Variants in CDK8 observed in about 807,000 individuals in gnomAD.
CDK8 encodes the protein cyclin dependent kinase 8.
Under a neutral mutation model 71.5 loss-of-function variants are expected in CDK8, and 29 were observed. The observed-to-expected ratio is 0.41, with a 90% CI of 0.30 to 0.55. The LOEUF (loss-of-function observed/expected upper bound fraction) is 0.55. Ranked by LOEUF, CDK8 falls within the 20% of genes least tolerant of loss-of-function variation. CDK8 has a pLI of 0.37. For synonymous variants in CDK8, 161 were observed against 192.1 expected, an observed-to-expected ratio of 0.84 and a Z score of 1.34; for missense variants, 288 against 572.6, an observed-to-expected ratio of 0.50 and a Z score of 5.07.
intron 4 of CDK8, among the ~76,000 whole-genome samples, chr13:26,358,480 C>A (rs1293453261): frequency 1.3e-5 from 2 of 152,016 alleles, no homozygotes; most frequent in Non-Finnish European, 2.9e-5. Flanking sequence ...AAAGAAGGGA[C>A]TAAGTGGGAA....
intron 1 of CDK8, among the ~76,000 whole-genome samples, chr13:26,264,444 T>C (rs1335339177): frequency 1.3e-5 from 2 of 152,124 alleles, no homozygotes; most frequent in African/African-American, 4.8e-5. Flanking sequence ...CCCCTCCCAG[T>C]AGCTGCAGTT....
intron 1 of CDK8, among the ~76,000 whole-genome samples, chr13:26,310,690 C>T (rs1874242119): frequency 6.6e-6 from 1 of 152,096 alleles, no homozygotes; most frequent in African/African-American, 2.4e-5. Context: ...GCCTCTCTTG[C>T]CTGCTGCTCA....
At chr13:26,298,097 C>T (rs1873647721) in intron 1 of CDK8, among the ~76,000 whole-genome samples, 2 of 152,110 alleles carry the variant, frequency 1.3e-5, no homozygotes, top group Admixed American at 6.5e-5. Context: ...GCCCCATCTC[C>T]TCCTTGTGCC....
chr13:26,402,571 G>A (rs1876316316), intron 12 of CDK8, among the ~76,000 whole-genome samples: 1 of 152,218 alleles, frequency 6.6e-6, no homozygotes, highest in African/African-American at 2.4e-5. Flanking sequence ...CTTTTGGTTA[G>A]GGGAGAAGTC....
intron 2 of CDK8, among the ~76,000 whole-genome samples, chr13:26,339,529 C>T (rs903748912): frequency 4.6e-5 from 7 of 150,676 alleles, no homozygotes; most frequent in Non-Finnish European, 7.4e-5. Flanking sequence ...TATTCTTTGT[C>T]AGAATTGTTT....
intron 9 of CDK8, 32 bp downstream of exon 9, chr13:26,397,257 C>G: frequency 2.9e-6 from 4 of 1,399,932 alleles, no homozygotes; most frequent in Non-Finnish European, 4.0e-6. Flanking sequence ...TAATGAAATG[C>G]ATTTTTTCCT....
chr13:26,300,380 TG>T (rs1194276858), intron 1 of CDK8, among the ~76,000 whole-genome samples: 1 of 151,692 alleles, frequency 6.6e-6, no homozygotes, highest in African/African-American at 2.4e-5. Context: ...GGGATGGAGG[TG>T]GGGGGCATGA....
intron 1 of CDK8, among the ~76,000 whole-genome samples, chr13:26,306,054 CACATT>C (rs1874026967): frequency 6.6e-6 from 1 of 152,064 alleles, no homozygotes; most frequent in Admixed American, 6.5e-5. Context: ...TAGCAATAAG[CACATT>C]TATTTGGTGC....
At chr13:26,290,476 C>T (rs976359801) in intron 1 of CDK8, among the ~76,000 whole-genome samples, 110 of 152,198 alleles carry the variant, frequency 7.2e-4, no homozygotes, top group African/African-American at 2.3e-3. Context: ...GCTAAGAAAA[C>T]GGTCATCACA....
In CDK8 at chr13:26,400,533, C is replaced by T. The variant is rs758599147; in HGVS notation, c.1014C>T (p.Asp338=). The T allele has an allele frequency of 6.2e-6, 10 of 1,608,274 alleles. No individual in the cohort carries two copies. Among genetic ancestry groups the T allele is most frequent in the Admixed American group, 1.7e-5 (1 of 59,980 alleles). Residue 338 remains aspartate (D), a synonymous_variant, in exon 10 of 13, where the codon GAC becomes GAT. Coordinates refer to ENST00000381527, the MANE Select transcript of CDK8 (RefSeq NM_001260.3). ...QAMQDPYFLE[D]PLPTSDVFAG... is the part of the protein sequence containing the mutation. ...TGCAGGACCCCTATTTCTTAGAAGA[C>T]CCACTTCCTACATCAGAGTAAGTGG...
intron 4 of CDK8, among the ~76,000 whole-genome samples, chr13:26,360,468 A>G (rs376482426): frequency 6.6e-6 from 1 of 152,228 alleles, no homozygotes; most frequent in Admixed American, 6.5e-5. Flanking sequence ...CTTCATCTTC[A>G]TAGCTCGAAA....
intron 1 of CDK8, among the ~76,000 whole-genome samples, chr13:26,325,830 T>C (rs1874995112): frequency 6.6e-6 from 1 of 152,196 alleles, no homozygotes; most frequent in Admixed American, 6.5e-5. Flanking sequence ...ATTCAGATCA[T>C]TGTTCAATGA....
chr13:26,349,319 T>C, intron 3 of CDK8, 137 bp downstream of exon 3: 1 of 610,702 alleles, frequency 1.6e-6, no homozygotes, highest in Non-Finnish European at 2.9e-6. Context: ...GTTGGTGGCA[T>C]GACGAAGGCT....
At chr13:26,291,198 TAC>T (rs2137901726) in intron 1 of CDK8, among the ~76,000 whole-genome samples, 1 of 152,254 alleles carries the variant, frequency 6.6e-6, no homozygotes, top group East Asian at 1.9e-4. Context: ...TAACATGGTG[TAC>T]AGGTTTGTAG....
chr13:26,324,393 TAGAA>T lies in CDK8; in HGVS notation c.129-13171_129-13168del, dbSNP rs542895087. ...TATATTACTAAAAAGATAGAAATGTTAGAAAGTCGATTAAGGAGACAAAGACATT... is the reference window on the plus strand; with the variant it reads ...TATATTACTAAAAAGATAGAAATGTTAGTCGATTAAGGAGACAAAGACATT... On this transcript the variant is annotated intron_variant, in intron 1 of 12. Transcript: ENST00000381527. Among the ~76,000 whole-genome samples, 16 of 152,292 alleles carry T rather than the reference TAGAA, an allele frequency of 1.1e-4. No individual in the cohort carries two copies. In the South Asian group the frequency reaches 2.9e-3, roughly 28 times the overall value.
At position 26,401,643 on chromosome 13, in the gene CDK8, G is replaced by A; in HGVS notation, c.1269+19G>A. On this transcript the variant is annotated intron_variant, in intron 12 of 12. Transcript: ENST00000381527. The surrounding 1 kb of genome is among the most constrained non-coding windows in gnomAD (Gnocchi z 4.5). ...CTATCAGGTATTCCAAGTTTATTTT[G>A]TATTGACTGCATGTCAGTGTTTACA... 1 of 1,612,696 alleles carries A rather than the reference G, an allele frequency of 6.2e-7. No individual in the cohort carries two copies. Among genetic ancestry groups the A allele is most frequent in the Non-Finnish European group, 8.5e-7 (1 of 1,178,818 alleles).
At position 26,394,157 on chromosome 13, in the gene CDK8, C is replaced by T. The variant is rs370662932; in HGVS notation, c.790+647C>T. Among the ~76,000 whole-genome samples, 4 of 152,144 alleles carry T rather than the reference C, an allele frequency of 2.6e-5. No homozygotes were observed. The East Asian group carries it at 5.8e-4, about 22-fold the overall frequency. On this transcript the variant is annotated intron_variant, in intron 7 of 12. Transcript: ENST00000381527. ...ACAGAACGGTAATCACCAAAAACTG[C>T]TCAGAGGTCCAGAATAATGAGAATT...
chr13:26,323,326 AGG>A (rs1193282606), intron 1 of CDK8, among the ~76,000 whole-genome samples: 1,514 of 90,366 alleles, frequency 0.017, 26 homozygotes, highest in South Asian at 0.078. Flanking sequence ...AGAGAGAGAG[AGG>A]GAGAGAGAGA....
At chr13:26,263,549 C>G (rs962554396) in intron 1 of CDK8, among the ~76,000 whole-genome samples, 2 of 152,186 alleles carry the variant, frequency 1.3e-5, no homozygotes, top group Non-Finnish European at 2.9e-5. Context: ...TCAAGAGATT[C>G]TCCTGCCTCA....
Sources: allele counts gnomAD v4.1 joint callset (sites outside exome capture counted in the v4.1 genomes callset), GRCh38; gene constraint gnomAD v4.1.1; non-coding constraint Gnocchi (gnomAD v3.1); transcripts MANE v1.5; gene names NCBI Gene and HGNC (gene_info 2026-07-23, HGNC 2026-07-21).